Variants in COLGALT2 observed in about 807,000 individuals in gnomAD.
The protein encoded by COLGALT2 is procollagen galactosyltransferase 2.
Under a neutral mutation model 73.4 loss-of-function variants are expected in COLGALT2, and 49 were observed. That is an observed-to-expected ratio of 0.67 (90% CI 0.53 to 0.85). COLGALT2 has a LOEUF of 0.85. Ranked by LOEUF, COLGALT2 falls within the 40% of genes least tolerant of loss-of-function variation. The probability of loss-of-function intolerance (pLI) is 0.00; values close to 1 mark genes in which losing one functional copy is unlikely to be tolerated. For missense variants in COLGALT2, 722 were observed against 790.2 expected (o/e 0.91, Z 1.03); for synonymous variants, 295 against 307.6 (o/e 0.96, Z 0.43).
At chr1:184,021,004 G>C (rs1649163818) in intron 1 of COLGALT2, among the ~76,000 whole-genome samples, 1 of 152,020 alleles carries the variant, frequency 6.6e-6, no homozygotes, top group Non-Finnish European at 1.5e-5. Flanking sequence ...AAACTGAAGT[G>C]CCGTTTATAA....
At chr1:184,001,863 A>C (rs1671936371) in intron 1 of COLGALT2, among the ~76,000 whole-genome samples, 1 of 152,216 alleles carries the variant, frequency 6.6e-6, no homozygotes, top group Admixed American at 6.5e-5. Context: ...ATCTGCAGGT[A>C]AAGTTGCAAG....
intron 1 of COLGALT2, among the ~76,000 whole-genome samples, chr1:184,029,272 C>T (rs377446649): frequency 7.2e-5 from 11 of 152,172 alleles, no homozygotes; most frequent in Admixed American, 2.6e-4. Flanking sequence ...AGCTTTCCTA[C>T]CAGAGGAGTA....
intron 1 of COLGALT2, among the ~76,000 whole-genome samples, chr1:184,002,103 C>T (rs1272801917): frequency 1.3e-5 from 2 of 152,240 alleles, no homozygotes; most frequent in African/African-American, 4.8e-5. Flanking sequence ...AAACACTAGA[C>T]TAGTGGAAGT....
intron 7 of COLGALT2, among the ~76,000 whole-genome samples, chr1:183,952,010 T>C (rs945281740): frequency 2.0e-5 from 3 of 152,072 alleles, no homozygotes; most frequent in African/African-American, 7.2e-5. Context: ...ACGTAGACCA[T>C]GGAACAGAAT....
chr1:183,977,764 G>A (rs987843119), intron 2 of COLGALT2, among the ~76,000 whole-genome samples: 1 of 150,012 alleles, frequency 6.7e-6, no homozygotes, highest in African/African-American at 2.5e-5. Flanking sequence ...TACTCCAGCT[G>A]GGGTGACAGA....
chr1:183,989,902 C>A (rs77451549), intron 1 of COLGALT2, among the ~76,000 whole-genome samples: 3 of 152,184 alleles, frequency 2.0e-5, no homozygotes, highest in Non-Finnish European at 4.4e-5. Flanking sequence ...CTTTCAAGAA[C>A]ACTTTCCTTG....
At position 184,004,823 on chromosome 1, in the gene COLGALT2, A is replaced by G. The variant is rs111481456; in HGVS notation, c.264-26303T>C. 2.0e-3 allele frequency among the ~76,000 whole-genome samples: 302 copies of G among 152,162 alleles called. 2 individuals are homozygous for G. The highest frequency in any genetic ancestry group is 6.9e-3 in the African/African-American group (288 of 41,506). The stretch of plus-strand genomic sequence containing the variant: ...GATGGGAGTCACAGAGAGCACAGGG[A>G]GTCACAGAGAGTCACAGAGCAGGGG... On this transcript the variant is annotated intron_variant, in intron 1 of 11. Transcript: ENST00000361927.
At chr1:183,941,254 TGGGGGAAAGAG>T in intron 10 of COLGALT2, among the ~76,000 whole-genome samples, 1 of 152,170 alleles carries the variant, frequency 6.6e-6, no homozygotes, top group South Asian at 2.1e-4. Context: ...CCAAATAAGC[TGGGGGAAAGAG>T]TCAGTCTGCA....
intron 1 of COLGALT2, among the ~76,000 whole-genome samples, chr1:183,981,730 G>T (rs1428062326): frequency 6.6e-6 from 1 of 151,962 alleles, no homozygotes; most frequent in Non-Finnish European, 1.5e-5. Flanking sequence ...TTTTTAATTG[G>T]TTTTAAATTG....
intron 1 of COLGALT2, among the ~76,000 whole-genome samples, chr1:184,003,158 C>T (rs541138982): frequency 3.3e-5 from 5 of 152,260 alleles, no homozygotes; most frequent in African/African-American, 1.2e-4. Context: ...AATACAACTG[C>T]AACAATATCT....
Position 183,985,003 on chromosome 1 carries a change from G to GAA in COLGALT2, c.264-6485_264-6484dup, listed in dbSNP as rs34203113. Among the ~76,000 whole-genome samples, 19 of 151,412 alleles carry GAA rather than the reference G, an allele frequency of 1.3e-4. No homozygotes were observed. The South Asian group carries it at 3.1e-3, about 25-fold the overall frequency. The stretch of plus-strand genomic sequence containing the variant: ...TGAGACGCTTTACTGCTTGGCTGTG[G>GAA]AAAAAAAAATTGAGATTTATCTGGC... On this transcript the variant is annotated intron_variant, in intron 1 of 11. Coordinates refer to ENST00000361927, the MANE Select transcript of COLGALT2 (RefSeq NM_015101.4).
At chr1:183,950,624 C>T (rs1670371161) in intron 8 of COLGALT2, among the ~76,000 whole-genome samples, 2 of 152,138 alleles carry the variant, frequency 1.3e-5, no homozygotes, top group South Asian at 2.1e-4. Context: ...CATTTTCCAT[C>T]TATTTTCTTC....
At chr1:183,968,021 A>G (rs1278766116) in intron 5 of COLGALT2, among the ~76,000 whole-genome samples, 1 of 152,194 alleles carries the variant, frequency 6.6e-6, no homozygotes, top group Non-Finnish European at 1.5e-5. Flanking sequence ...TGAGTGGGAC[A>G]TCTATGGCTT....
intron 8 of COLGALT2, among the ~76,000 whole-genome samples, chr1:183,948,192 C>CAA (rs961617977): frequency 6.7e-6 from 1 of 149,226 alleles, no homozygotes; most frequent in African/African-American, 2.5e-5. Flanking sequence ...CACAAACTTC[C>CAA]AAAAAAAAAG....
intron 1 of COLGALT2, among the ~76,000 whole-genome samples, chr1:184,001,128 A>C (rs1671913437): frequency 6.6e-6 from 1 of 152,084 alleles, no homozygotes; most frequent in South Asian, 2.1e-4. Context: ...CCACCACGCC[A>C]GGCCTATTTC....
chr1:183,972,891 A>G (rs7543654), intron 4 of COLGALT2, among the ~76,000 whole-genome samples: 11,504 of 151,934 alleles, frequency 0.076, 682 homozygotes, highest in East Asian at 0.22. Flanking sequence ...AGTAGAGATG[A>G]GGTTTCACCA....
chr1:183,990,889 A>G (rs1353411476), intron 1 of COLGALT2, among the ~76,000 whole-genome samples: 1 of 152,234 alleles, frequency 6.6e-6, no homozygotes. Context: ...GGTCCCTAGC[A>G]TCTTGCCCTC....
At chr1:183,948,091 T>C (rs1331666974) in intron 8 of COLGALT2, among the ~76,000 whole-genome samples, 3 of 151,584 alleles carry the variant, frequency 2.0e-5, no homozygotes, top group Non-Finnish European at 4.4e-5. Context: ...TAATTAGTAA[T>C]AAAAAAAATT....
intron 1 of COLGALT2, among the ~76,000 whole-genome samples, chr1:183,981,518 TG>T (rs1294781549): frequency 4.0e-5 from 6 of 149,712 alleles, no homozygotes; most frequent in Non-Finnish European, 8.9e-5. Flanking sequence ...TAGCTGGGTA[TG>T]GTGGCACGTG....
Sources: gnomAD v4.1 joint callset for allele counts (sites outside exome capture counted in the v4.1 genomes callset) on GRCh38, gnomAD v4.1.1 for gene constraint, MANE v1.5 for transcripts, NCBI Gene and HGNC (gene_info 2026-07-23, HGNC 2026-07-21) for gene names.